Variants in TSPAN3 observed in about 807,000 individuals in gnomAD.
The protein encoded by TSPAN3 is tetraspanin-3.
Under a neutral mutation model 31.1 loss-of-function variants are expected in TSPAN3, and 9 were observed. The ratio of observed to expected loss-of-function variants is 0.29; its 90% CI spans 0.17 to 0.50. TSPAN3 has a LOEUF of 0.50. Ranked by LOEUF, TSPAN3 falls within the 20% of genes least tolerant of loss-of-function variation. The pLI, the probability that TSPAN3 is intolerant of heterozygous loss-of-function variation, is 0.98. For synonymous variants in TSPAN3, 129 were observed against 114.3 expected (o/e 1.13, Z -0.82); for missense variants, 252 against 313.5 (o/e 0.80, Z 1.48).
rs942542205 is a variant in TSPAN3 at position 77,042,631 on chromosome 15, A to G, written c.*4204T>C. 2 of 152,206 alleles carry G rather than the reference A, an allele frequency of 1.3e-5. 1 individual carries two copies. The highest frequency in any genetic ancestry group is 2.9e-5 in the Non-Finnish European group (2 of 68,052). 9.4% of individuals were successfully genotyped at this position (152,206 alleles called of 1,614,324 possible). A position where few individuals can be genotyped will look rare whatever the true frequency, so the allele number is the denominator to read the frequency against. ...GAATCCATAGTGGATATATGAAAATAAATGAAGGAGAAGGGAGGGATGACT... is the reference window on the plus strand; with the variant it reads ...GAATCCATAGTGGATATATGAAAATGAATGAAGGAGAAGGGAGGGATGACT... On this transcript the variant is annotated 3_prime_UTR_variant, in exon 7 of 7. Transcript: ENST00000267970.
intron 1 of TSPAN3, among the ~76,000 whole-genome samples, chr15:77,056,818 G>C (rs183491651): frequency 8.5e-5 from 13 of 152,296 alleles, no homozygotes; most frequent in African/African-American, 2.4e-4. Flanking sequence ...AGAGGGCTCA[G>C]TCATTAAAGA....
Position 77,052,831 on chromosome 15 carries a change from C to G in TSPAN3, c.531G>C (p.Glu177Asp). 1 of 1,614,174 alleles carries G rather than the reference C, an allele frequency of 6.2e-7. No homozygotes were observed. The highest frequency in any genetic ancestry group is 8.5e-7 in the Non-Finnish European group (1 of 1,180,032). The change falls in exon 5 of 7, where the codon GAG becomes GAC. Residue 177 changes from glutamate to aspartate, a missense_variant. Coordinates refer to ENST00000267970, the MANE Select transcript of TSPAN3 (RefSeq NM_005724.6). ...GGCTGCCATTACAATTGCTGGCAGT[C>G]TCTCTGCAGCAGCTAAGAGGGACAC... is the stretch of plus-strand genomic sequence containing the variant. The part of the protein sequence containing the change: ...NQSVPLSCCR[E>D]TASNCNGSLA...
chr15:77,049,780 T>C (rs1338025056), intron 6 of TSPAN3, among the ~76,000 whole-genome samples: 1 of 152,220 alleles, frequency 6.6e-6, no homozygotes, highest in Non-Finnish European at 1.5e-5. Flanking sequence ...ATAAATATTT[T>C]AGGCTTTCCA....
At chr15:77,066,571 CAAAAAAAAAAA>C (rs35737479) in intron 1 of TSPAN3, among the ~76,000 whole-genome samples, 15 of 59,356 alleles carry the variant, frequency 2.5e-4, no homozygotes, top group Non-Finnish European at 3.8e-4. Context: ...GACTTCGTCT[CAAAAAAAAAAA>C]AAAAAAAAAA....
intron 1 of TSPAN3, chr15:77,068,449 A>T (rs2076846889): frequency 6.6e-6 from 1 of 152,222 alleles, no homozygotes; most frequent in African/African-American, 2.4e-5. Flanking sequence ...ATAAAAATCT[A>T]ATTTAAAGAA....
intron 4 of TSPAN3, 139 bp downstream of exon 4, chr15:77,054,039 T>C (rs1352950396): frequency 2.2e-5 from 13 of 584,262 alleles, no homozygotes; most frequent in Non-Finnish European, 3.6e-5. Context: ...AGGGTGAAGG[T>C]TGGGGAAAAA....
chr15:77,049,418 C>T (rs926806312), intron 6 of TSPAN3, among the ~76,000 whole-genome samples: 7 of 152,120 alleles, frequency 4.6e-5, no homozygotes, highest in African/African-American at 1.4e-4. Context: ...ACATTTTCCC[C>T]GTATTGCCTT....
intron 1 of TSPAN3, chr15:77,067,664 G>A (rs1307254577): frequency 6.6e-6 from 1 of 152,154 alleles, no homozygotes; most frequent in African/African-American, 2.4e-5. Context: ...CAGCATATAA[G>A]AATACATTTA....
chr15:77,053,490 A>AAAAAAAC (rs2076746488), intron 4 of TSPAN3, among the ~76,000 whole-genome samples: 1 of 131,242 alleles, frequency 7.6e-6, no homozygotes, highest in Non-Finnish European at 1.6e-5. Flanking sequence ...AAAAAAAAAA[A>AAAAAAAC]AAAAGAAAAG....
intron 1 of TSPAN3, among the ~76,000 whole-genome samples, chr15:77,058,667 G>GACAGCAGGTATCAGTT (rs2076782732): frequency 6.6e-6 from 1 of 152,152 alleles, no homozygotes; most frequent in Non-Finnish European, 1.5e-5. Flanking sequence ...GTACTTGGCA[G>GACAGCAGGTATCAGTT]ACAGCAGGTA....
rs772433162 is a variant in TSPAN3, at chr15:77,052,902, A to G, written c.460T>C (p.Ser154Pro). The G allele has an allele frequency of 1.2e-6, 2 of 1,613,430 alleles. No individual in the cohort carries two copies. The highest frequency in any genetic ancestry group is 1.7e-6 in the Non-Finnish European group (2 of 1,179,704). ...AACCAATCTGTATTTTCCCAGTCTG[A>G]GTAGTTGTGAATTCCACAACAATGC... Reference protein sequence around the residue: ...QLHCCGIHNYSDWENTDWFKE... With the variant: ...QLHCCGIHNYPDWENTDWFKE... The change falls in exon 5 of 7, where the codon TCA becomes CCA. Residue 154 changes from serine to proline, a missense_variant. Coordinates refer to ENST00000267970, the MANE Select transcript of TSPAN3 (RefSeq NM_005724.6).
chr15:77,069,291 A>T lies in TSPAN3; in HGVS notation c.63+1601T>A, dbSNP rs574765247. Among the ~76,000 whole-genome samples the T allele has an allele frequency of 2.0e-5, 3 of 152,320 alleles. No homozygotes were observed. The South Asian group carries it at 6.2e-4, about 32-fold the overall frequency. On this transcript the variant is annotated intron_variant, in intron 1 of 6. Transcript: ENST00000267970. Reference sequence around the variant, plus strand: ...TATGGATGCATAAGTAGCAGTAGGTATATAGATACGTATTAAATTAGCAAA... The same window carrying T: ...TATGGATGCATAAGTAGCAGTAGGTTTATAGATACGTATTAAATTAGCAAA...
rs1294524996 is a variant in TSPAN3 at position 77,042,909 on chromosome 15, G to A, written c.*3926C>T. On this transcript the variant is annotated 3_prime_UTR_variant, in exon 7 of 7. Transcript: ENST00000267970. ...TAGGTGTGCCAGGTACTCATTTATT[G>A]CCTCTTAACTCCAAATTTCCCTGAC... 6.6e-6 allele frequency: 1 copy of A among 152,140 alleles called. No homozygotes were observed. Among genetic ancestry groups the A allele is most frequent in the Non-Finnish European group, 1.5e-5 (1 of 68,046 alleles). The allele number at this position is 152,140 out of a possible 1,614,324, so 9.4% of individuals were successfully genotyped here.
intron 1 of TSPAN3, 99 bp from the exon 2 acceptor site, chr15:77,056,354 G>A: frequency 1.1e-6 from 1 of 903,712 alleles, no homozygotes; most frequent in Non-Finnish European, 1.6e-6. Flanking sequence ...TACCGTAACT[G>A]TTATAGACTT....
At chr15:77,053,449 C>A (rs2076744862) in intron 4 of TSPAN3, among the ~76,000 whole-genome samples, 1 of 25,862 alleles carries the variant, frequency 3.9e-5, no homozygotes, top group Non-Finnish European at 6.5e-5. Context: ...ATTTCGCCAT[C>A]TCAAAAAAAA....
intron 1 of TSPAN3, chr15:77,070,065 G>T (rs533290781): frequency 1.3e-5 from 2 of 152,060 alleles, no homozygotes; most frequent in East Asian, 1.9e-4. Flanking sequence ...TGGGCTGGAG[G>T]GTGGAGAGAC....
In TSPAN3 at chr15:77,052,706, C is replaced by A. The variant is rs2076740025; in HGVS notation, c.585+71G>T. 14 of 1,544,370 alleles carry A rather than the reference C, an allele frequency of 9.1e-6. No homozygotes were observed. In the South Asian group the frequency reaches 1.6e-4, roughly 18 times the overall value. ...CAAGCAAGGTGGCAGAAAAGAAGTC[C>A]CAGATGGTGATAAGACATGGTGAAA... On this transcript the variant is annotated intron_variant, in intron 5 of 6. Coordinates refer to ENST00000267970, the MANE Select transcript of TSPAN3 (RefSeq NM_005724.6).
intron 4 of TSPAN3, among the ~76,000 whole-genome samples, 179 bp downstream of exon 4, chr15:77,053,999 A>G (rs1031287379): frequency 3.3e-5 from 5 of 152,172 alleles, no homozygotes; most frequent in African/African-American, 9.6e-5. Context: ...GATGTTTCTC[A>G]TCTGGCTAGG....
intron 6 of TSPAN3, among the ~76,000 whole-genome samples, chr15:77,047,566 G>T (rs770786955): frequency 6.6e-6 from 1 of 152,124 alleles, no homozygotes; most frequent in Non-Finnish European, 1.5e-5. Context: ...GAAATCCACG[G>T]TTCTGTGGTA....
Sources: allele counts gnomAD v4.1 joint callset (sites outside exome capture counted in the v4.1 genomes callset), GRCh38; gene constraint gnomAD v4.1.1; transcripts MANE v1.5; gene names NCBI Gene and HGNC (gene_info 2026-07-23, HGNC 2026-07-21).